FGF18: variants seen among roughly 807,000 people sequenced by gnomAD.
The protein encoded by FGF18 is fibroblast growth factor 18.
FGF18 carries 5 observed loss-of-function variants against 23.0 expected under a neutral mutation model. That is an observed-to-expected ratio of 0.22 (90% CI 0.11 to 0.46). The LOEUF (loss-of-function observed/expected upper bound fraction) is 0.46, where lower values mean the gene tolerates loss of function less well. Among genes scored for constraint, FGF18 ranks in the 20% least tolerant of loss-of-function variants. FGF18 has a pLI of 0.99. For synonymous variants in FGF18, 117 were observed against 118.9 expected (o/e 0.98, Z 0.10); for missense variants, 180 against 291.6 (o/e 0.62, Z 2.79).
intron 4 of FGF18, among the ~76,000 whole-genome samples, chr5:171,449,864 G>A (rs1772473378): frequency 1.3e-5 from 2 of 152,010 alleles, no homozygotes; most frequent in South Asian, 2.1e-4. Context: ...TCGGGTTGGG[G>A]AGACCCACGT....
At position 171,456,531 on chromosome 5, in the gene FGF18, C is replaced by A; in HGVS notation, c.358-8C>A. On this transcript the variant is annotated splice_region_variant and splice_polypyrimidine_tract_variant and intron_variant, in intron 4 of 4. Coordinates refer to ENST00000274625, the MANE Select transcript of FGF18 (RefSeq NM_003862.3). This position sits in a 1 kb window ranked among gnomAD's most constrained non-coding sequence, Gnocchi z 6.1. ...TTTTCTTGAACACTCCCCCTCTCTC[C>A]CCTGCAGCCCGATGGCACCAGCAAG... is the stretch of plus-strand genomic sequence containing the variant. The A allele has an allele frequency of 6.2e-7, 1 of 1,610,436 alleles. No individual in the cohort carries two copies. Among genetic ancestry groups the A allele is most frequent in the Non-Finnish European group, 8.5e-7 (1 of 1,177,234 alleles).
chr5:171,453,097 T>C (rs1772538740), intron 4 of FGF18, among the ~76,000 whole-genome samples: 1 of 152,234 alleles, frequency 6.6e-6, no homozygotes, highest in Admixed American at 6.5e-5. Flanking sequence ...ATACTGATGC[T>C]TCTGCCTTGC....
rs1771975773 is a variant in FGF18 at position 171,419,997 on chromosome 5, G to A, written c.-203G>A. ...AGCCCGGAGGGCGCAGCGCTCGGGA[G>A]GAGCCGCGCGGGGCGCTGATGCCGC... is the stretch of plus-strand genomic sequence containing the variant. On this transcript the variant is annotated 5_prime_UTR_variant, in exon 1 of 5. Coordinates refer to ENST00000274625, the MANE Select transcript of FGF18 (RefSeq NM_003862.3). 3 of 212,574 alleles carry A rather than the reference G, an allele frequency of 1.4e-5. No homozygotes were observed. In the South Asian group the frequency reaches 4.7e-4, roughly 33 times the overall value. 13.2% of individuals were successfully genotyped at this position (212,574 alleles called of 1,614,324 possible).
chr5:171,443,531 T>TTTTTTTTTTTTTG (rs1480484505), intron 3 of FGF18, among the ~76,000 whole-genome samples: 2 of 115,100 alleles, frequency 1.7e-5, no homozygotes, highest in African/African-American at 6.4e-5. Context: ...TTTTTTTTTT[T>TTTTTTTTTTTTTG]TAGCAGAGAC....
intron 2 of FGF18, among the ~76,000 whole-genome samples, chr5:171,421,937 G>A (rs923616723): frequency 6.6e-6 from 1 of 152,140 alleles, no homozygotes; most frequent in African/African-American, 2.4e-5. Context: ...GGCATGGCCT[G>A]CCTGGTCTGC....
At position 171,449,273 on chromosome 5, in the gene FGF18, T is replaced by TC; in HGVS notation, c.357+23dup. 1 of 1,589,622 alleles carries TC rather than the reference T, an allele frequency of 6.3e-7. No individual in the cohort carries two copies. Among genetic ancestry groups the TC allele is most frequent in the Non-Finnish European group, 8.6e-7 (1 of 1,157,958 alleles). On this transcript the variant is annotated intron_variant, in intron 4 of 4. Coordinates refer to ENST00000274625, the MANE Select transcript of FGF18 (RefSeq NM_003862.3). Reference sequence around the variant, plus strand: ...GGGAAGGTGAGTGATGGTTTGGGATTCCCGGGAACTTCGGGTTCCCCTCTG... The same window carrying TC: ...GGGAAGGTGAGTGATGGTTTGGGATTCCCCGGGAACTTCGGGTTCCCCTCTG...
At chr5:171,423,458 GGTCCTGGCCTTCCCCA>G (rs1177922371) in intron 2 of FGF18, among the ~76,000 whole-genome samples, 1 of 152,210 alleles carries the variant, frequency 6.6e-6, no homozygotes, top group Non-Finnish European at 1.5e-5. Flanking sequence ...GGCTCGGCTA[GGTCCTGGCCTTCCCCA>G]GACAGACCAG....
chr5:171,448,996 C>T (rs1004484432), intron 3 of FGF18, 151 bp from the exon 4 acceptor site: 5 of 635,330 alleles, frequency 7.9e-6, no homozygotes, highest in African/African-American at 1.8e-5. Flanking sequence ...ATTTAGGCAT[C>T]TGTCCTGTGG....
rs369769318 is a variant in FGF18 at position 171,449,262 on chromosome 5, T to C, written c.357+9T>C. 13 of 1,605,522 alleles carry C rather than the reference T, an allele frequency of 8.1e-6. No individual in the cohort carries two copies. Among genetic ancestry groups the C allele is most frequent in the African/African-American group, 4.0e-5 (3 of 74,610 alleles). On this transcript the variant is annotated intron_variant, in intron 4 of 4. Transcript: ENST00000274625. The stretch of plus-strand genomic sequence containing the variant: ...GCAAGCTCGTGGGGAAGGTGAGTGA[T>C]GGTTTGGGATTCCCGGGAACTTCGG...
At chr5:171,432,894 A>G (rs1218106788) in intron 2 of FGF18, among the ~76,000 whole-genome samples, 1 of 152,234 alleles carries the variant, frequency 6.6e-6, no homozygotes, top group African/African-American at 2.4e-5. Context: ...TTCTGAGGGC[A>G]GAGGTGAGAT....
chr5:171,420,564 C>A, intron 2 of FGF18, 121 bp downstream of exon 2: 1 of 976,470 alleles, frequency 1.0e-6, no homozygotes, highest in Non-Finnish European at 1.6e-6. Context: ...GCCCAGTGCA[C>A]CTGTTCCCAG....
chr5:171,439,775 C>T (rs1772313109), intron 3 of FGF18, among the ~76,000 whole-genome samples: 1 of 152,168 alleles, frequency 6.6e-6, no homozygotes, highest in African/African-American at 2.4e-5. Context: ...AGCCCACACG[C>T]AGGGAGACTC....
Position 171,451,172 on chromosome 5 carries a change from A to G in FGF18, c.357+1919A>G, listed in dbSNP as rs1193461659. 6.7e-6 allele frequency among the ~76,000 whole-genome samples: 1 copy of G among 149,486 alleles called. No homozygotes were observed. The highest frequency in any genetic ancestry group is 1.5e-5 in the Non-Finnish European group (1 of 67,510). On this transcript the variant is annotated intron_variant, in intron 4 of 4. Transcript: ENST00000274625. This position sits in a 1 kb window ranked among gnomAD's most constrained non-coding sequence, Gnocchi z 4.5. ...CTCTCTCCCGTCATTAATATTGGTG[A>G]CGGTTCAGCTGGCGCGGCGCACCCT...
chr5:171,430,809 AAAAAAAAG>A (rs557605221), intron 2 of FGF18, among the ~76,000 whole-genome samples: 16,939 of 141,490 alleles, frequency 0.12, 1,244 homozygotes, highest in South Asian at 0.25. Flanking sequence ...AAAAAAAAAA[AAAAAAAAG>A]AAAAAAGAGT....
At chr5:171,449,359 C>G (rs1467766646) in intron 4 of FGF18, 106 bp downstream of exon 4, 21 of 246,308 alleles carry the variant, frequency 8.5e-5, no homozygotes, top group East Asian at 2.0e-4. Flanking sequence ...GGAAAACAGG[C>G]CGTGTGTGTG....
At chr5:171,452,473 A>G (rs1301094818) in intron 4 of FGF18, among the ~76,000 whole-genome samples, 1 of 152,178 alleles carries the variant, frequency 6.6e-6, no homozygotes, top group Admixed American at 6.5e-5. Flanking sequence ...TTTCTGCTGC[A>G]TTGTACCAAT....
At chr5:171,450,504 C>G (rs936021650) in intron 4 of FGF18, among the ~76,000 whole-genome samples, 1 of 152,184 alleles carries the variant, frequency 6.6e-6, no homozygotes, top group Non-Finnish European at 1.5e-5. Context: ...TGGCCACGCC[C>G]GGGCACTTGT....
At chr5:171,455,865 G>A (rs897358935) in intron 4 of FGF18, among the ~76,000 whole-genome samples, 2 of 152,162 alleles carry the variant, frequency 1.3e-5, no homozygotes, top group Non-Finnish European at 2.9e-5. Flanking sequence ...GGGCTATCTG[G>A]GTGGAGAGTG....
chr5:171,447,710 G>A (rs1772439103), intron 3 of FGF18, among the ~76,000 whole-genome samples: 1 of 152,098 alleles, frequency 6.6e-6, no homozygotes, highest in Non-Finnish European at 1.5e-5. Context: ...GTCTATATTT[G>A]TAAATTTTTT....
Sources: gnomAD v4.1 joint callset for allele counts (sites outside exome capture counted in the v4.1 genomes callset) on GRCh38, gnomAD v4.1.1 for gene constraint, Gnocchi (gnomAD v3.1) non-coding constraint, MANE v1.5 for transcripts, NCBI Gene and HGNC (gene_info 2026-07-23, HGNC 2026-07-21) for gene names.